The following VGLL4 variants were observed in gnomAD, a reference collection of about 807,000 sequenced individuals.
VGLL4 encodes the protein vestigial like family member 4.
A neutral mutation model predicts 21.0 loss-of-function variants in VGLL4; 7 were observed. That is an observed-to-expected ratio of 0.33 (90% CI 0.19 to 0.63). The LOEUF is 0.63. Ranked by LOEUF, VGLL4 falls within the 20% of genes least tolerant of loss-of-function variation. The pLI is 0.78. For missense variants in VGLL4, 394 were observed against 425.7 expected (o/e 0.93, Z 0.66); for synonymous variants, 222 against 173.2 (o/e 1.28, Z -2.21).
At position 11,573,307 on chromosome 3, in the gene VGLL4, GGAAGGAAGGAAGAAAGAAAGAAAGAAAGA is replaced by G. The variant is rs2073900998; in HGVS notation, c.273-8317_273-8289del. On this transcript the variant is annotated intron_variant, in intron 2 of 4. Transcript: ENST00000430365. ...AGAAAGAAAGAAAGAAAGAAAGAAAGGAAGGAAGGAAGAAAGAAAGAAAGAAAGAAAGAAAGAAAGAAAGAAAGAAAGAA... is the reference window on the plus strand; with the variant it reads ...AGAAAGAAAGAAAGAAAGAAAGAAAGAAGAAAGAAAGAAAGAAAGAAAGAA... 4.5e-4 allele frequency among the ~76,000 whole-genome samples: 9 copies of G among 19,960 alleles called. 1 individual carries two copies. The highest frequency in any genetic ancestry group is 3.1e-3 in the African/African-American group (7 of 2,256). The allele number at this position is 19,960 out of a possible 152,430, so 13.1% of individuals were successfully genotyped here.
At chr3:11,657,939 T>C (rs2125350398) in intron 2 of VGLL4, among the ~76,000 whole-genome samples, 1 of 152,326 alleles carries the variant, frequency 6.6e-6, no homozygotes, top group South Asian at 2.1e-4. Flanking sequence ...TTAGTTTTTC[T>C]TCTTGAGACA....
upstream of VGLL4, among the ~76,000 whole-genome samples, chr3:11,645,700 G>A (rs1031873817): frequency 5.9e-5 from 9 of 151,882 alleles, no homozygotes; most frequent in African/African-American, 1.9e-4. Context: ...GTCCGGATGC[G>A]GTGGCTCACG....
At chr3:11,698,431 C>T (rs1031660664) in intron 2 of VGLL4, among the ~76,000 whole-genome samples, 1 of 152,188 alleles carries the variant, frequency 6.6e-6, no homozygotes, top group Non-Finnish European at 1.5e-5. Context: ...ATCATTTGAA[C>T]CCGGGAGGCA....
Position 11,591,608 on chromosome 3 carries a change from T to A in VGLL4, c.272+10225A>T, listed in dbSNP as rs1361759642. 2.0e-5 allele frequency among the ~76,000 whole-genome samples: 3 copies of A among 152,144 alleles called. 1 individual carries two copies. In the East Asian group the frequency reaches 5.8e-4, roughly 29 times the overall value. On this transcript the variant is annotated intron_variant, in intron 2 of 4. Transcript: ENST00000430365. ...GAGGCCTTTGTTTTCAGCTCAACTGTGAAAATGAGAAAATGCCTCTAGCCT... is the reference window on the plus strand; with the variant it reads ...GAGGCCTTTGTTTTCAGCTCAACTGAGAAAATGAGAAAATGCCTCTAGCCT...
intron 2 of VGLL4, among the ~76,000 whole-genome samples, chr3:11,590,710 GTT>G (rs1233242810): frequency 7.6e-6 from 1 of 132,162 alleles, no homozygotes; most frequent in Non-Finnish European, 1.6e-5. Context: ...GTGTGTGTGT[GTT>G]TTAACCCATA....
chr3:11,641,389 T>C (rs1197751075), intron 1 of VGLL4, among the ~76,000 whole-genome samples: 6 of 152,194 alleles, frequency 3.9e-5, no homozygotes, highest in East Asian at 1.9e-4. Context: ...GGAGCTGATA[T>C]GTTTAAAACG....
At chr3:11,569,742 C>T (rs573202337) in intron 2 of VGLL4, among the ~76,000 whole-genome samples, 1 of 152,280 alleles carries the variant, frequency 6.6e-6, no homozygotes, top group South Asian at 2.1e-4. Context: ...GCTGGCTGGG[C>T]ATGGTGACGT....
At chr3:11,683,456 C>T (rs563605474) in intron 2 of VGLL4, among the ~76,000 whole-genome samples, 29 of 152,118 alleles carry the variant, frequency 1.9e-4, no homozygotes, top group Non-Finnish European at 4.0e-4. Flanking sequence ...GAAAAGAAGT[C>T]CTTATATTAA....
chr3:11,713,568 T>TTATATATATATATATATATATATATA (rs10690353), intron 1 of VGLL4, among the ~76,000 whole-genome samples: 2 of 140,294 alleles, frequency 1.4e-5, no homozygotes, highest in East Asian at 2.0e-4. Context: ...TATATATTAT[T>TTATATATATATATATATATATATATA]TATATATATA....
intron 1 of VGLL4, among the ~76,000 whole-genome samples, chr3:11,630,928 G>T (rs1357472950): frequency 6.6e-6 from 1 of 151,590 alleles, no homozygotes; most frequent in Non-Finnish European, 1.5e-5. Flanking sequence ...ATATATACTT[G>T]GCCACAGAAT....
intron 2 of VGLL4, among the ~76,000 whole-genome samples, chr3:11,685,429 C>T (rs767518920): frequency 4.6e-5 from 7 of 152,036 alleles, no homozygotes; most frequent in Non-Finnish European, 1.0e-4. Context: ...GAACTCCTGA[C>T]CTTGTGATCT....
At position 11,559,393 on chromosome 3, in the gene VGLL4, G is replaced by A; in HGVS notation, c.558C>T (p.Cys186=). 1.9e-6 allele frequency: 3 copies of A among 1,560,272 alleles called. No homozygotes were observed. The highest frequency in any genetic ancestry group is 2.6e-6 in the Non-Finnish European group (3 of 1,153,128). Residue 186 remains cysteine (C), a synonymous_variant, in exon 4 of 5, where the codon TGC becomes TGT. Coordinates refer to ENST00000430365, the MANE Select transcript of VGLL4 (RefSeq NM_001128219.3). Reference sequence around the variant, plus strand: ...CGGCACAGCCGCTGTGCGCGATGGGGCAGTGCGAGAGGTTGCAGTTGCGGG... The same window carrying A: ...CGGCACAGCCGCTGTGCGCGATGGGACAGTGCGAGAGGTTGCAGTTGCGGG... ...AGARNCNLSH[C]PIAHSGCAAP...
At chr3:11,698,113 A>G (rs1430191724) in intron 2 of VGLL4, among the ~76,000 whole-genome samples, 1 of 152,232 alleles carries the variant, frequency 6.6e-6, no homozygotes, top group African/African-American at 2.4e-5. Context: ...TTGCAATAAA[A>G]TGGAATATCA....
intron 2 of VGLL4, among the ~76,000 whole-genome samples, chr3:11,597,734 C>T (rs1430586628): frequency 1.3e-5 from 2 of 152,112 alleles, no homozygotes; most frequent in Non-Finnish European, 2.9e-5. Flanking sequence ...ATGGATTTGC[C>T]CCATCTCCTG....
intron 2 of VGLL4, among the ~76,000 whole-genome samples, chr3:11,660,225 T>C (rs1472056457): frequency 6.6e-6 from 1 of 152,200 alleles, no homozygotes; most frequent in Admixed American, 6.5e-5. Flanking sequence ...GTTCTGATCT[T>C]GGTTCTGCCA....
intron 2 of VGLL4, among the ~76,000 whole-genome samples, chr3:11,698,684 T>C (rs2076638112): frequency 6.6e-6 from 1 of 152,242 alleles, no homozygotes; most frequent in Non-Finnish European, 1.5e-5. Context: ...AGCAGTGGAA[T>C]GATTATTTTA....
chr3:11,613,286 C>CATA, intron 1 of VGLL4, among the ~76,000 whole-genome samples: 1 of 152,262 alleles, frequency 6.6e-6, no homozygotes, highest in Non-Finnish European at 1.5e-5. Context: ...ATTTTCAAGA[C>CATA]ATTCTTTAAT....
chr3:11,616,404 G>T (rs2075164566), intron 1 of VGLL4, among the ~76,000 whole-genome samples: 2 of 152,108 alleles, frequency 1.3e-5, no homozygotes, highest in Non-Finnish European at 2.9e-5. Context: ...TTTTCACATG[G>T]CTAGGAAGCC....
intron 2 of VGLL4, among the ~76,000 whole-genome samples, chr3:11,581,408 T>C (rs1208414493): frequency 6.6e-6 from 1 of 152,124 alleles, no homozygotes; most frequent in Non-Finnish European, 1.5e-5. Context: ...ATTTCTCGAA[T>C]GATGAAACTA....
Sources: allele counts gnomAD v4.1 joint callset (sites outside exome capture counted in the v4.1 genomes callset), GRCh38; gene constraint gnomAD v4.1.1; transcripts MANE v1.5; gene names NCBI Gene and HGNC (gene_info 2026-07-23, HGNC 2026-07-21).